EFCAB5: variants seen among roughly 807,000 people sequenced by gnomAD.
EFCAB5 encodes EF-hand calcium binding domain 5, also known as EF-hand calcium-binding domain-containing protein 5.
EFCAB5 carries 131 observed loss-of-function variants against 167.9 expected under a neutral mutation model. The observed-to-expected ratio is 0.78, with a 90% CI of 0.68 to 0.90. The LOEUF is 0.90. Ranked by LOEUF, EFCAB5 falls within the 40% of genes least tolerant of loss-of-function variation. EFCAB5 has a pLI of 0.00. For synonymous variants in EFCAB5, 574 were observed against 602.8 expected, an observed-to-expected ratio of 0.95 and a Z score of 0.70; for missense variants, 1,663 against 1,745.2, an observed-to-expected ratio of 0.95 and a Z score of 0.84.
chr17:29,930,523 G>A (rs922842654), intron 1 of EFCAB5, among the ~76,000 whole-genome samples: 2 of 152,074 alleles, frequency 1.3e-5, no homozygotes, highest in African/African-American at 4.8e-5. Context: ...GAGGTGGGGC[G>A]GCGCACAGCT....
At position 30,044,232 on chromosome 17, in the gene EFCAB5, TG is replaced by T. The variant is rs774239306; in HGVS notation, c.1201-6885del. ...CAGATAAATAATCATCAATTTTTCA[TG>T]CAAACTGAAGCCACAGTGAGATAAA... On this transcript the variant is annotated intron_variant, in intron 8 of 22. Transcript: ENST00000394835. Among the ~76,000 whole-genome samples, 145 of 152,258 alleles carry T rather than the reference TG, an allele frequency of 9.5e-4. 1 individual carries two copies. Among genetic ancestry groups the T allele is most frequent in the Non-Finnish European group, 1.8e-3 (121 of 68,010 alleles).
intron 8 of EFCAB5, among the ~76,000 whole-genome samples, chr17:30,045,366 G>C (rs1204413272): frequency 1.3e-5 from 2 of 149,244 alleles, no homozygotes; most frequent in East Asian, 4.0e-4. Context: ...GCTGAGGCAG[G>C]AAAATCGATT....
intron 1 of EFCAB5, among the ~76,000 whole-genome samples, chr17:29,934,806 G>A (rs1176740592): frequency 6.6e-6 from 1 of 152,066 alleles, no homozygotes; most frequent in East Asian, 1.9e-4. Flanking sequence ...TGATTTTGGG[G>A]GGCTGCTGAG....
At chr17:30,008,015 TA>T (rs771051674) in intron 7 of EFCAB5, among the ~76,000 whole-genome samples, 10 of 151,916 alleles carry the variant, frequency 6.6e-5, no homozygotes, top group Middle Eastern at 6.3e-3. Flanking sequence ...CGTCATTTGA[TA>T]AAGCAGTATG....
chr17:30,087,796 T>C (rs2071117945), intron 19 of EFCAB5, among the ~76,000 whole-genome samples: 1 of 152,238 alleles, frequency 6.6e-6, no homozygotes, highest in Non-Finnish European at 1.5e-5. Context: ...TATATTCCTT[T>C]GGGTATATAC....
intron 3 of EFCAB5, among the ~76,000 whole-genome samples, chr17:29,959,394 C>A (rs1199744147): frequency 6.6e-6 from 1 of 151,486 alleles, no homozygotes; most frequent in Non-Finnish European, 1.5e-5. Flanking sequence ...CCTCTTTTTT[C>A]TTCAAGCAGA....
At chr17:29,974,683 T>C (rs1326369234) in intron 4 of EFCAB5, among the ~76,000 whole-genome samples, 1 of 152,182 alleles carries the variant, frequency 6.6e-6, no homozygotes, top group Non-Finnish European at 1.5e-5. Flanking sequence ...ATGAAAATTT[T>C]GGAAAATTTC....
chr17:30,055,861 A>C, intron 10 of EFCAB5, 27 bp from the exon 11 acceptor site: 1 of 1,605,664 alleles, frequency 6.2e-7, no homozygotes, highest in Non-Finnish European at 8.5e-7. Context: ...TGTCTAATTC[A>C]TAAGCATTTT....
chr17:30,069,610 C>T, intron 14 of EFCAB5: 1 of 1,612,910 alleles, frequency 6.2e-7, no homozygotes, highest in Non-Finnish European at 8.5e-7. Flanking sequence ...TCTCCTTGCT[C>T]TTCCTCGACT....
At chr17:30,085,822 G>A (rs1051452058) in intron 18 of EFCAB5, among the ~76,000 whole-genome samples, 1 of 152,062 alleles carries the variant, frequency 6.6e-6, no homozygotes, top group Non-Finnish European at 1.5e-5. Flanking sequence ...CAAGGATAAC[G>A]TTGACAACAT....
rs369854882 is a variant in EFCAB5, at chr17:30,069,964, CA to C, written c.2738-8250del. Among the ~76,000 whole-genome samples, 360 of 152,296 alleles carry C rather than the reference CA, an allele frequency of 2.4e-3. 2 individuals are homozygous for C. Among genetic ancestry groups the C allele is most frequent in the African/African-American group, 8.4e-3 (351 of 41,556 alleles). On this transcript the variant is annotated intron_variant, in intron 14 of 22. Transcript: ENST00000394835. Reference sequence around the variant, plus strand: ...GCTCCTGAACTTGAGGCCGCCTTGGCAGGGGGGGCTGCTCCAGTAGCAGGGG... The same window carrying C: ...GCTCCTGAACTTGAGGCCGCCTTGGCGGGGGGGCTGCTCCAGTAGCAGGGG...
upstream of EFCAB5, among the ~76,000 whole-genome samples, chr17:29,938,336 G>A (rs1285740945): frequency 6.6e-6 from 1 of 152,180 alleles, no homozygotes; most frequent in Admixed American, 6.5e-5. Context: ...AATCGTATGA[G>A]CCTTTATCCA....
At chr17:30,026,948 T>C (rs551784680) in intron 7 of EFCAB5, among the ~76,000 whole-genome samples, 25 of 146,942 alleles carry the variant, frequency 1.7e-4, no homozygotes, top group Middle Eastern at 7.1e-3. Flanking sequence ...GATTTCCTTG[T>C]ACCTCCTTGT....
intron 15 of EFCAB5, among the ~76,000 whole-genome samples, chr17:30,079,183 C>T (rs1358141361): frequency 6.6e-6 from 1 of 152,192 alleles, no homozygotes; most frequent in African/African-American, 2.4e-5. Context: ...GAATCATCTC[C>T]TGAATGGCCG....
chr17:30,010,267 A>G (rs2068867981), intron 7 of EFCAB5, among the ~76,000 whole-genome samples: 1 of 152,206 alleles, frequency 6.6e-6, no homozygotes, highest in South Asian at 2.1e-4. Context: ...CAATAAACAT[A>G]CGTGTGCATG....
intron 7 of EFCAB5, among the ~76,000 whole-genome samples, chr17:30,012,649 C>A (rs191560322): frequency 6.6e-6 from 1 of 152,132 alleles, no homozygotes; most frequent in Non-Finnish European, 1.5e-5. Context: ...CTGGTCTCCG[C>A]GACTTGGTGG....
Position 30,092,070 on chromosome 17 carries a change from G to A in EFCAB5, c.4137G>A (p.Val1379=). 1.2e-6 allele frequency: 2 copies of A among 1,613,984 alleles called. No homozygotes were observed. Among genetic ancestry groups the A allele is most frequent in the Non-Finnish European group, 1.7e-6 (2 of 1,179,878 alleles). ...SMELEANVKL[V]RDILKAVILF... ...AGTTGGAAGCCAACGTGAAACTAGT[G>A]CGTGACATCCTGAAGGCGGTTATCT... The change falls in exon 21 of 23, where the codon GTG becomes GTA. Residue 1379 remains valine, a synonymous_variant. Transcript: ENST00000394835.
intron 7 of EFCAB5, among the ~76,000 whole-genome samples, chr17:30,020,041 T>C (rs1284606395): frequency 6.6e-6 from 1 of 152,208 alleles, no homozygotes; most frequent in Admixed American, 6.5e-5. Flanking sequence ...TGTCTTTCTG[T>C]ACTTGGCTTA....
chr17:30,107,536 G>C (rs1157868911), intron 22 of EFCAB5, among the ~76,000 whole-genome samples: 1 of 152,116 alleles, frequency 6.6e-6, no homozygotes, highest in Non-Finnish European at 1.5e-5. Context: ...TTTTAAAGCC[G>C]TTTAATTGTG....
Sources: gnomAD v4.1 joint callset for allele counts (sites outside exome capture counted in the v4.1 genomes callset) on GRCh38, gnomAD v4.1.1 for gene constraint, MANE v1.5 for transcripts, NCBI Gene and HGNC (gene_info 2026-07-23, HGNC 2026-07-21) for gene names.